CPS1: variants seen among roughly 807,000 people sequenced by gnomAD.
The protein encoded by CPS1 is carbamoyl-phosphate synthase [ammonia], mitochondrial.
CPS1 carries 109 observed loss-of-function variants against 174.6 expected under a neutral mutation model. The observed-to-expected ratio is 0.62, with a 90% confidence interval of 0.53 to 0.73. The LOEUF (loss-of-function observed/expected upper bound fraction) is 0.73. CPS1 is among the 30% of genes least tolerant of loss of function. The pLI is 0.00. For missense variants in CPS1, 1,689 were observed against 1,821.9 expected, an observed-to-expected ratio of 0.93 and a Z score of 1.33; for synonymous variants, 637 against 632.0, an observed-to-expected ratio of 1.01 and a Z score of -0.12.
In CPS1 at chr2:210,599,498, A is replaced by G; in HGVS notation, c.1486A>G (p.Ile496Val). The change falls in exon 14 of 38, where the codon ATC becomes GTC. Residue 496 changes from isoleucine to valine, a missense_variant. Ile to Val is a conservative substitution (Grantham distance 29). Transcript: ENST00000233072. ...CACCCCTCAGTTTGTCACAGAGGTCATCAAGGCAGAACAGCCAGATGGGTT... is the reference window on the plus strand; with the variant it reads ...CACCCCTCAGTTTGTCACAGAGGTCGTCAAGGCAGAACAGCCAGATGGGTT... ...PITPQFVTEV[I>V]KAEQPDGLIL... 1.2e-6 allele frequency: 2 copies of G among 1,612,582 alleles called. No homozygotes were observed. Among genetic ancestry groups the G allele is most frequent in the Admixed American group, 3.3e-5 (2 of 59,818 alleles).
At chr2:210,652,292 A>G (rs1488772829) in intron 28 of CPS1, among the ~76,000 whole-genome samples, 1 of 152,210 alleles carries the variant, frequency 6.6e-6, no homozygotes, top group African/African-American at 2.4e-5. Flanking sequence ...TTTATTGGTC[A>G]TTATAATGAG....
At chr2:210,624,405 A>G (rs1324619473) in intron 21 of CPS1, among the ~76,000 whole-genome samples, 1 of 152,100 alleles carries the variant, frequency 6.6e-6, no homozygotes. Flanking sequence ...CAGTCTTCAT[A>G]CTCCAAGCCA....
At chr2:210,674,451 A>G (rs1423319166) in intron 34 of CPS1, 1 of 161,762 alleles carries the variant, frequency 6.2e-6, no homozygotes, top group Non-Finnish European at 1.3e-5. Context: ...CCTGGGCAAC[A>G]AGAGCAAAAA....
intron 17 of CPS1, 125 bp downstream of exon 17, chr2:210,605,371 T>G: frequency 1.9e-6 from 2 of 1,043,176 alleles, no homozygotes; most frequent in Non-Finnish European, 2.9e-6. Flanking sequence ...GTGATAACAT[T>G]TTGGACAAGC....
At chr2:210,609,606 C>T (rs1180820107) in intron 19 of CPS1, among the ~76,000 whole-genome samples, 1 of 151,938 alleles carries the variant, frequency 6.6e-6, no homozygotes, top group African/African-American at 2.4e-5. Flanking sequence ...CAGTCTTTCT[C>T]TATCATTTGT....
chr2:210,610,835 C>A (rs1360060120), intron 19 of CPS1, among the ~76,000 whole-genome samples: 2 of 150,978 alleles, frequency 1.3e-5, no homozygotes, highest in Non-Finnish European at 3.0e-5. Context: ...CTTTGTTATA[C>A]ACGTTTTTTT....
At chr2:210,650,300 A>G in intron 27 of CPS1, 63 bp from the exon 28 acceptor site, 6 of 1,345,618 alleles carry the variant, frequency 4.5e-6, no homozygotes, top group Non-Finnish European at 6.4e-6. Flanking sequence ...AACTGTTCTG[A>G]GAACCAGTCA....
intron 1 of CPS1, among the ~76,000 whole-genome samples, chr2:210,513,453 G>A (rs1166409217): frequency 1.3e-5 from 2 of 150,186 alleles, no homozygotes; most frequent in African/African-American, 2.4e-5. Flanking sequence ...TCATATGTTT[G>A]CTGACATATG....
rs1574566498 is a variant in CPS1, at chr2:210,594,496, A to G, written c.1165-12A>G. The G allele has an allele frequency of 6.3e-7, 1 of 1,592,320 alleles. No homozygotes were observed. The highest frequency in any genetic ancestry group is 8.6e-7 in the Non-Finnish European group (1 of 1,161,860). ...TTGAAGCTTCTAACTAGTTGGTTGTATTTTTTTCTAGTACCTGTTTGATTC... is the reference window on the plus strand; with the variant it reads ...TTGAAGCTTCTAACTAGTTGGTTGTGTTTTTTTCTAGTACCTGTTTGATTC... On this transcript the variant is annotated splice_polypyrimidine_tract_variant and intron_variant, in intron 11 of 37. Coordinates refer to ENST00000233072, the MANE Select transcript of CPS1 (RefSeq NM_001875.5).
At chr2:210,660,102 T>C (rs1700868269) in intron 31 of CPS1, among the ~76,000 whole-genome samples, 1 of 151,992 alleles carries the variant, frequency 6.6e-6, no homozygotes, top group South Asian at 2.1e-4. Context: ...AGGAGGGTAG[T>C]ATAAGATAAA....
At chr2:210,595,345 A>G in intron 12 of CPS1, 142 bp from the exon 13 acceptor site, 1 of 660,732 alleles carries the variant, frequency 1.5e-6, no homozygotes, top group East Asian at 2.7e-5. Context: ...CTTTTTCCCT[A>G]TATATTACAT....
chr2:210,600,791 A>T, intron 15 of CPS1, 79 bp downstream of exon 15: 1 of 1,444,180 alleles, frequency 6.9e-7, no homozygotes, highest in Admixed American at 1.7e-5. Context: ...ATGCCTAATA[A>T]TAATAGTTAA....
At chr2:210,580,827 C>T (rs1219310987) in intron 5 of CPS1, among the ~76,000 whole-genome samples, 1 of 149,498 alleles carries the variant, frequency 6.7e-6, no homozygotes, top group Non-Finnish European at 1.5e-5. Flanking sequence ...TGCCACTGCA[C>T]TCCAACCTGG....
intron 33 of CPS1, among the ~76,000 whole-genome samples, chr2:210,665,666 TA>T (rs1479883308): frequency 1.3e-5 from 2 of 151,852 alleles, no homozygotes; most frequent in African/African-American, 4.8e-5. Context: ...CATCATTTTT[TA>T]TGGCTGCATA....
At chr2:210,533,015 C>A (rs1696154686) in intron 1 of CPS1, among the ~76,000 whole-genome samples, 1 of 151,964 alleles carries the variant, frequency 6.6e-6, no homozygotes, top group South Asian at 2.1e-4. Flanking sequence ...AAACAAGGGG[C>A]CAATTAACTT....
At position 210,599,402 on chromosome 2, in the gene CPS1, C is replaced by T; in HGVS notation, c.1390C>T (p.Pro464Ser). 6.2e-7 allele frequency: 1 copy of T among 1,612,254 alleles called. No homozygotes were observed. Among genetic ancestry groups the T allele is most frequent in the Non-Finnish European group, 8.5e-7 (1 of 1,178,900 alleles). ...AAATGTCAAAACTGTTCTGATGAAC[C>T]CAAACATTGCATCAGTCCAGACCAA... Reference protein sequence around the residue: ...EENVKTVLMNPNIASVQTNEV... With the variant: ...EENVKTVLMNSNIASVQTNEV... The change falls in exon 14 of 38, where the codon CCA (proline) becomes TCA (serine). Residue 464 changes from proline (P) to serine (S), a missense_variant. By Grantham distance (74) the Pro-to-Ser change is moderately conservative (BLOSUM62 -1). Transcript: ENST00000233072.
At chr2:210,629,793 G>A (rs952602284) in intron 21 of CPS1, among the ~76,000 whole-genome samples, 2 of 150,476 alleles carry the variant, frequency 1.3e-5, no homozygotes, top group African/African-American at 4.9e-5. Flanking sequence ...GCTCACGCCT[G>A]TGATCCCAGC....
At chr2:210,658,375 A>G (rs1700793132) in intron 30 of CPS1, 1 of 474,438 alleles carries the variant, frequency 2.1e-6, no homozygotes. Context: ...ATAATCGTGT[A>G]CAATTATTTG....
rs759838283 is a variant in CPS1 at position 210,668,257 on chromosome 2, C to G, written c.4074C>G (p.Pro1358=). ...TGCTTTCCACAGGATTTAAGATACC[C>G]CAGAAAGGCATCCTGATAGGCATCC... The part of the protein sequence containing the change: ...KAMLSTGFKI[P]QKGILIGIQQ... Residue 1358 remains proline, a synonymous_variant, in exon 34 of 38, where the codon CCC becomes CCG. Coordinates refer to ENST00000233072, the MANE Select transcript of CPS1 (RefSeq NM_001875.5). The G allele has an allele frequency of 1.2e-6, 2 of 1,613,594 alleles. No homozygotes were observed. The highest frequency in any genetic ancestry group is 1.7e-6 in the Non-Finnish European group (2 of 1,179,752).
Sources: gnomAD v4.1 joint callset for allele counts (sites outside exome capture counted in the v4.1 genomes callset) on GRCh38, gnomAD v4.1.1 for gene constraint, MANE v1.5 for transcripts, NCBI Gene and HGNC (gene_info 2026-07-23, HGNC 2026-07-21) for gene names.